KCNAB1: variants seen among roughly 807,000 people sequenced by gnomAD.
KCNAB1 encodes voltage-gated potassium channel subunit beta-1.
In KCNAB1, 35 loss-of-function variants were observed where a neutral mutation model predicts 64.6. The observed-to-expected ratio is 0.54, with a 90% confidence interval of 0.41 to 0.72. KCNAB1 has a LOEUF of 0.72. Among genes scored for constraint, KCNAB1 ranks in the 30% least tolerant of loss-of-function variants. The pLI is 0.00. For missense variants in KCNAB1, 401 were observed against 512.9 expected, an observed-to-expected ratio of 0.78 and a Z score of 2.11; for synonymous variants, 177 against 183.8, an observed-to-expected ratio of 0.96 and a Z score of 0.30.
At chr3:156,158,028 G>A (rs867869407) in intron 1 of KCNAB1, among the ~76,000 whole-genome samples, 1 of 151,704 alleles carries the variant, frequency 6.6e-6, no homozygotes, top group African/African-American at 2.4e-5. Context: ...AGCCGGGTGC[G>A]GTGGCTGGTG....
intron 7 of KCNAB1, among the ~76,000 whole-genome samples, chr3:156,466,478 A>G (rs1713383251): frequency 6.6e-6 from 1 of 151,704 alleles, no homozygotes; most frequent in African/African-American, 2.4e-5. Context: ...AGACTACTAT[A>G]GTTTTTAGTT....
intron 1 of KCNAB1, among the ~76,000 whole-genome samples, chr3:156,359,623 G>A (rs888334558): frequency 1.3e-5 from 2 of 152,202 alleles, no homozygotes; most frequent in Non-Finnish European, 2.9e-5. Context: ...ATTTGCTTAT[G>A]TAATGCTGAT....
chr3:156,524,106 G>T (rs1160328376), intron 12 of KCNAB1, 159 bp downstream of exon 12: 2 of 735,604 alleles, frequency 2.7e-6, no homozygotes, highest in East Asian at 3.1e-5. Flanking sequence ...GTTATTTGAG[G>T]TTCCCCAGAA....
At chr3:156,426,306 T>A (rs1051460496) in intron 2 of KCNAB1, among the ~76,000 whole-genome samples, 7 of 152,216 alleles carry the variant, frequency 4.6e-5, no homozygotes, top group East Asian at 3.9e-4. Flanking sequence ...ATTATTATTT[T>A]AAAAAAATAG....
chr3:156,324,684 A>C (rs1722861846), intron 1 of KCNAB1, among the ~76,000 whole-genome samples: 1 of 152,088 alleles, frequency 6.6e-6, no homozygotes, highest in African/African-American at 2.4e-5. Context: ...ACTTTTCCTC[A>C]GACCCTCACA....
chr3:156,518,480 G>A (rs984138407), intron 11 of KCNAB1, among the ~76,000 whole-genome samples: 1 of 136,970 alleles, frequency 7.3e-6, no homozygotes, highest in African/African-American at 2.7e-5. Flanking sequence ...GAAAAGAAAA[G>A]AAAGAAGGAA....
At chr3:156,241,564 T>C (rs1416849043) in intron 1 of KCNAB1, among the ~76,000 whole-genome samples, 1 of 152,108 alleles carries the variant, frequency 6.6e-6, no homozygotes, top group Non-Finnish European at 1.5e-5. Context: ...GACCACATCA[T>C]TCTGAGTATA....
intron 8 of KCNAB1, among the ~76,000 whole-genome samples, chr3:156,503,490 C>T (rs189519925): frequency 1.3e-5 from 2 of 152,306 alleles, no homozygotes; most frequent in East Asian, 3.9e-4. Flanking sequence ...ATCCCATAGC[C>T]TCCCCTTGTA....
rs151212942 is a variant in KCNAB1, at chr3:156,341,699, C to A, written c.276-79917C>A. ...TCCAGTGGTTCTCAAATACTTTGCC[C>A]ACAATCATAGAAAAAAAATATAGAA... On this transcript the variant is annotated intron_variant, in intron 1 of 13. Coordinates refer to ENST00000490337, the MANE Select transcript of KCNAB1 (RefSeq NM_172160.3). 2.9e-3 allele frequency among the ~76,000 whole-genome samples: 441 copies of A among 152,132 alleles called. 5 individuals carry two copies. The highest frequency in any genetic ancestry group is 0.01 in the African/African-American group (418 of 41,484).
intron 1 of KCNAB1, among the ~76,000 whole-genome samples, chr3:156,147,988 C>A (rs1320596284): frequency 6.6e-6 from 1 of 151,922 alleles, no homozygotes; most frequent in Non-Finnish European, 1.5e-5. Context: ...CAAACACACA[C>A]CGCACCCTGG....
At chr3:156,516,496 C>A (rs923913192) in intron 11 of KCNAB1, 132 bp downstream of exon 11, 2 of 677,272 alleles carry the variant, frequency 3.0e-6, no homozygotes, top group Non-Finnish European at 5.3e-6. Context: ...TGGCCTCTGG[C>A]AGGTTCCCCT....
At chr3:156,450,659 G>A (rs1209301467) in intron 2 of KCNAB1, among the ~76,000 whole-genome samples, 2 of 152,102 alleles carry the variant, frequency 1.3e-5, no homozygotes, top group South Asian at 2.1e-4. Context: ...CAATTTTTTC[G>A]CTTAATAAAG....
rs189930245 is a variant in KCNAB1 at position 156,163,367 on chromosome 3, C to A, written c.275+42481C>A. Reference sequence around the variant, plus strand: ...TTTTAGGTTTTCCAGTGAGCTATGGCACTTAAAAAAATGCCACATAGTCCC... The same window carrying A: ...TTTTAGGTTTTCCAGTGAGCTATGGAACTTAAAAAAATGCCACATAGTCCC... On this transcript the variant is annotated intron_variant, in intron 1 of 13. Coordinates refer to ENST00000490337, the MANE Select transcript of KCNAB1 (RefSeq NM_172160.3). 2.0e-5 allele frequency among the ~76,000 whole-genome samples: 3 copies of A among 152,204 alleles called. No individual in the cohort carries two copies. The East Asian group carries it at 5.8e-4, about 29-fold the overall frequency.
intron 1 of KCNAB1, chr3:156,143,319 G>A: frequency 6.2e-7 from 1 of 1,612,540 alleles, no homozygotes; most frequent in Non-Finnish European, 8.5e-7. Flanking sequence ...AACCTGTGAG[G>A]CCCAGTGGAG....
rs200824639 is a variant in KCNAB1, at chr3:156,403,892, T to TAAAA, written c.276-17714_276-17711dup. Among the ~76,000 whole-genome samples the TAAAA allele has an allele frequency of 4.3e-3, 591 of 136,820 alleles. 5 individuals carry two copies. Among genetic ancestry groups the TAAAA allele is most frequent in the African/African-American group, 0.015 (566 of 37,012 alleles). The allele number at this position is 136,820 out of a possible 152,430, so 89.8% of individuals were successfully genotyped here. ...CTGGGTGACAGAGAAAGACTCTGCC[T>TAAAA]AAAAAAAAAAAAACAAAGGGAGGTG... On this transcript the variant is annotated intron_variant, in intron 1 of 13. Transcript: ENST00000490337.
chr3:156,131,844 A>G (rs1714017040), intron 1 of KCNAB1, among the ~76,000 whole-genome samples: 1 of 152,202 alleles, frequency 6.6e-6, no homozygotes, highest in Admixed American at 6.5e-5. Context: ...TGTCATCTTC[A>G]TCTTTTGTTT....
chr3:156,360,791 C>T (rs115485021), intron 1 of KCNAB1, among the ~76,000 whole-genome samples: 1 of 152,048 alleles, frequency 6.6e-6, no homozygotes. Flanking sequence ...TATCTTCTGC[C>T]TAACATCTAA....
chr3:156,497,965 G>C (rs1032251019), intron 8 of KCNAB1, among the ~76,000 whole-genome samples: 2 of 152,042 alleles, frequency 1.3e-5, no homozygotes, highest in Non-Finnish European at 2.9e-5. Flanking sequence ...ACACTAACTT[G>C]GTATAGCATG....
chr3:156,481,487 A>T (rs1258278485), intron 8 of KCNAB1, among the ~76,000 whole-genome samples: 1 of 151,528 alleles, frequency 6.6e-6, no homozygotes, highest in Non-Finnish European at 1.5e-5. Flanking sequence ...CTGCAAATTC[A>T]CCAAAAATTT....
Sources: gnomAD v4.1 joint callset for allele counts (sites outside exome capture counted in the v4.1 genomes callset) on GRCh38, gnomAD v4.1.1 for gene constraint, MANE v1.5 for transcripts, NCBI Gene and HGNC (gene_info 2026-07-23, HGNC 2026-07-21) for gene names.